CHPT1: variants seen among roughly 807,000 people sequenced by gnomAD.
CHPT1 encodes cholinephosphotransferase 1.
A neutral mutation model predicts 47.6 loss-of-function variants in CHPT1; 36 were observed. That is an observed-to-expected ratio of 0.76 (90% CI 0.58 to 1.00). CHPT1 has a LOEUF of 1.00. Among genes scored for constraint, CHPT1 ranks in the 50% least tolerant of loss-of-function variants. The pLI, the probability that CHPT1 is intolerant of heterozygous loss-of-function variation, is 0.00. For missense variants in CHPT1, 458 were observed against 498.1 expected (o/e 0.92, Z 0.77); for synonymous variants, 194 against 186.3 (o/e 1.04, Z -0.33).
intron 4 of CHPT1, among the ~76,000 whole-genome samples, chr12:101,718,962 G>A (rs1951806002): frequency 6.6e-6 from 1 of 151,852 alleles, no homozygotes; most frequent in South Asian, 2.1e-4. Flanking sequence ...TTAAAGACCA[G>A]CCTGGCCAAC....
intron 1 of CHPT1, among the ~76,000 whole-genome samples, chr12:101,699,645 C>G (rs1389020748): frequency 4.6e-5 from 7 of 152,172 alleles, no homozygotes; most frequent in Non-Finnish European, 7.3e-5. Flanking sequence ...GCCTCGGCCT[C>G]CCAAAGTGCT....
intron 3 of CHPT1, 26 bp from the exon 4 acceptor site, chr12:101,716,702 A>G (rs369207872): frequency 9.6e-6 from 14 of 1,458,122 alleles, no homozygotes; most frequent in African/African-American, 1.4e-5. Context: ...CAAACACCTT[A>G]TCTATTCTTT....
In CHPT1 at chr12:101,723,718, A is replaced by T. The variant is rs1951897002; in HGVS notation, c.940-4A>T. On this transcript the variant is annotated splice_polypyrimidine_tract_variant and splice_region_variant and intron_variant, in intron 6 of 8. Transcript: ENST00000229266. ...TAAAATTATTTTGTTTAATTTTTTT[A>T]TAGGTAGCTCACATGACCAAAAGTG... The T allele has an allele frequency of 2.0e-6, 3 of 1,499,940 alleles. No individual in the cohort carries two copies. Among genetic ancestry groups the T allele is most frequent in the Non-Finnish European group, 2.7e-6 (3 of 1,116,276 alleles). 92.9% of individuals were successfully genotyped at this position (1,499,940 alleles called of 1,614,324 possible).
chr12:101,707,190 G>T (rs1459945880), intron 1 of CHPT1, among the ~76,000 whole-genome samples: 1 of 152,196 alleles, frequency 6.6e-6, no homozygotes, highest in Non-Finnish European at 1.5e-5. Flanking sequence ...CCTTGAAGGA[G>T]GGGGCATATG....
Position 101,714,639 on chromosome 12 carries a change from T to A in CHPT1, c.557T>A (p.Phe186Tyr), listed in dbSNP as rs1951739123. The A allele has an allele frequency of 1.2e-6, 2 of 1,601,196 alleles. No homozygotes were observed. Among genetic ancestry groups the A allele is most frequent in the Non-Finnish European group, 1.7e-6 (2 of 1,176,268 alleles). Residue 186 changes from phenylalanine to tyrosine, a missense_variant, in exon 3 of 9, where the codon TTT (phenylalanine) becomes TAT (tyrosine). Phe to Tyr is a conservative substitution (Grantham distance 22). Transcript: ENST00000229266. Reference sequence around the variant, plus strand: ...ACTTATGTTTCAGGCATGTTGAGATTTGGAAAGTAAGTATGCTTTTTAAGT... The same window carrying A: ...ACTTATGTTTCAGGCATGTTGAGATATGGAAAGTAAGTATGCTTTTTAAGT... ...WQTYVSGMLRFGKVDVTEIQI... is the reference protein window; with the variant it reads ...WQTYVSGMLRYGKVDVTEIQI...
intron 3 of CHPT1, 197 bp downstream of exon 3, chr12:101,714,842 T>G (rs1164013666): frequency 4.7e-6 from 2 of 425,398 alleles, no homozygotes; most frequent in African/African-American, 4.1e-5. Flanking sequence ...TATTTGATAA[T>G]AATTTTATTT....
chr12:101,706,637 G>T (rs1951638134), intron 1 of CHPT1, among the ~76,000 whole-genome samples: 1 of 152,110 alleles, frequency 6.6e-6, no homozygotes, highest in African/African-American at 2.4e-5. Flanking sequence ...GGCTTCCCAG[G>T]CTCCAGAACC....
In CHPT1 at chr12:101,723,752, C is replaced by CT. The variant is rs1951897757; in HGVS notation, c.972dup (p.Gln325SerfsTer18). 3 of 1,588,436 alleles carry CT rather than the reference C, an allele frequency of 1.9e-6. 1 individual carries two copies. In the Middle Eastern group the frequency reaches 5.1e-4, roughly 271 times the overall value. ...TCACATGACCAAAAGTGAACTATAT[C>CT]TTCAAGACACTGTCTTTTTGGGGCC... is the stretch of plus-strand genomic sequence containing the variant. On this transcript the variant is annotated frameshift_variant, in exon 7 of 9. Transcript: ENST00000229266. LOFTEE classifies it high-confidence loss of function.
At chr12:101,719,156 GAAAAAAAAA>G (rs779382436) in intron 4 of CHPT1, among the ~76,000 whole-genome samples, 32 of 95,042 alleles carry the variant, frequency 3.4e-4, no homozygotes, top group African/African-American at 1.2e-3. Flanking sequence ...CTCGTCTCAA[GAAAAAAAAA>G]AAAAAAAAAA....
intron 5 of CHPT1, 38 bp from the exon 6 acceptor site, chr12:101,723,130 G>A (rs1566043261): frequency 1.9e-6 from 3 of 1,582,794 alleles, no homozygotes; most frequent in Non-Finnish European, 2.6e-6. Flanking sequence ...TAAATGCAGT[G>A]TTAAAATGTG....
intron 5 of CHPT1, 75 bp from the exon 6 acceptor site, chr12:101,723,093 G>T: frequency 7.4e-7 from 1 of 1,356,144 alleles, no homozygotes; most frequent in Non-Finnish European, 1.1e-6. Flanking sequence ...GCACAAAATA[G>T]ATGGTCAGAA....
chr12:101,700,912 T>A (rs971699589), intron 1 of CHPT1, among the ~76,000 whole-genome samples: 1 of 152,230 alleles, frequency 6.6e-6, no homozygotes, highest in Non-Finnish European at 1.5e-5. Context: ...GAATTCTTAG[T>A]GTTTTTTTCA....
intron 7 of CHPT1, 24 bp from the exon 8 acceptor site, chr12:101,726,270 A>C: frequency 4.1e-6 from 6 of 1,474,052 alleles, no homozygotes; most frequent in Non-Finnish European, 5.7e-6. Context: ...AATCGATTTT[A>C]TATTTTCTTT....
In CHPT1 at chr12:101,720,253, C is replaced by T; in HGVS notation, c.779C>T (p.Ala260Val). The T allele has an allele frequency of 6.3e-7, 1 of 1,593,570 alleles. No homozygotes were observed. Among genetic ancestry groups the T allele is most frequent in the Non-Finnish European group, 8.5e-7 (1 of 1,172,104 alleles). The change falls in exon 5 of 9, where the codon GCA becomes GTA. Residue 260 changes from alanine (A) to valine (V), a missense_variant and splice_region_variant. Transcript: ENST00000229266. ...GTTGGCAAGAATGGATCCACTATAG[C>T]AGTAAGGCAATAATTTCATCATTCA... ...GGVGKNGSTI[A>V]GTSVLSPGLH...
Position 101,728,977 on chromosome 12 carries a change from G to T in CHPT1, c.*32G>T. ...TTCCGAACACTTGCTATCTCTTGCTGCTGCTGTTTCATGGAAGGAGATATT... is the reference window on the plus strand; with the variant it reads ...TTCCGAACACTTGCTATCTCTTGCTTCTGCTGTTTCATGGAAGGAGATATT... On this transcript the variant is annotated 3_prime_UTR_variant, in exon 9 of 9. Coordinates refer to ENST00000229266, the MANE Select transcript of CHPT1 (RefSeq NM_020244.3). 1.2e-6 allele frequency: 2 copies of T among 1,613,496 alleles called. No homozygotes were observed. The highest frequency in any genetic ancestry group is 1.7e-6 in the Non-Finnish European group (2 of 1,179,696).
At chr12:101,727,811 G>GGAA (rs1367643859) in intron 8 of CHPT1, 1 of 152,140 alleles carries the variant, frequency 6.6e-6, no homozygotes, top group East Asian at 1.9e-4. Flanking sequence ...CGTTAATGGT[G>GGAA]GAAGACTAAT....
At chr12:101,714,716 C>A in intron 3 of CHPT1, 71 bp downstream of exon 3, 1 of 1,448,122 alleles carries the variant, frequency 6.9e-7, no homozygotes, top group Non-Finnish European at 9.2e-7. Context: ...TTATGTCATT[C>A]ATCGATAATA....
At chr12:101,726,233 A>T in intron 7 of CHPT1, 61 bp from the exon 8 acceptor site, 1 of 1,094,654 alleles carries the variant, frequency 9.1e-7, no homozygotes, top group Non-Finnish European at 1.4e-6. Flanking sequence ...GAAACAGAAT[A>T]GTGCTACTTG....
At chr12:101,723,384 C>A in intron 6 of CHPT1, 58 bp downstream of exon 6, 1 of 1,044,334 alleles carries the variant, frequency 9.6e-7, no homozygotes, top group Non-Finnish European at 1.4e-6. Context: ...AAACACAAAG[C>A]TGGAAATTAT....
Sources: allele counts gnomAD v4.1 joint callset (sites outside exome capture counted in the v4.1 genomes callset), GRCh38; gene constraint gnomAD v4.1.1; transcripts MANE v1.5; gene names NCBI Gene and HGNC (gene_info 2026-07-23, HGNC 2026-07-21).